PRKCB: variants seen among roughly 807,000 people sequenced by gnomAD.
PRKCB encodes protein kinase C beta type.
In PRKCB, 13 loss-of-function variants were observed where a neutral mutation model predicts 81.5. The ratio of observed to expected loss-of-function variants is 0.16; its 90% CI spans 0.10 to 0.25. The LOEUF is 0.25. Among genes scored for constraint, PRKCB ranks in the 10% least tolerant of loss-of-function variants. The probability of loss-of-function intolerance (pLI) is 1.00; values close to 1 mark genes in which losing one functional copy is unlikely to be tolerated. For synonymous variants in PRKCB, 335 were observed against 321.4 expected (o/e 1.04, Z -0.45); for missense variants, 509 against 875.7 (o/e 0.58, Z 5.29).
chr16:23,872,485 C>T (rs866749108), intron 2 of PRKCB, among the ~76,000 whole-genome samples: 9 of 152,142 alleles, frequency 5.9e-5, no homozygotes, highest in African/African-American at 1.9e-4. Flanking sequence ...TGTGCCACTG[C>T]ACTCCAGCCT....
At chr16:24,166,710 C>G (rs762492912) in intron 10 of PRKCB, among the ~76,000 whole-genome samples, 12 of 152,192 alleles carry the variant, frequency 7.9e-5, no homozygotes, top group Non-Finnish European at 1.8e-4. Context: ...AGAAACATCT[C>G]TGGCAATAGA....
chr16:24,124,901 A>G (rs1966840111), intron 9 of PRKCB, among the ~76,000 whole-genome samples: 1 of 152,162 alleles, frequency 6.6e-6, no homozygotes, highest in Non-Finnish European at 1.5e-5. Flanking sequence ...GAATTCTGAC[A>G]GTTCCTTCAA....
chr16:23,903,004 T>TC (rs1963507164), intron 2 of PRKCB, among the ~76,000 whole-genome samples: 1 of 147,862 alleles, frequency 6.8e-6, no homozygotes, highest in South Asian at 2.1e-4. Context: ...TTTTTTTTTT[T>TC]CCTTTTTCTG....
At chr16:24,090,268 T>C (rs1378101717) in intron 5 of PRKCB, among the ~76,000 whole-genome samples, 1 of 152,190 alleles carries the variant, frequency 6.6e-6, no homozygotes, top group Non-Finnish European at 1.5e-5. Flanking sequence ...CACTGCCATG[T>C]TGCTGGAGTG....
chr16:23,950,137 T>TTG (rs1964258936), intron 2 of PRKCB, among the ~76,000 whole-genome samples: 1 of 138,104 alleles, frequency 7.2e-6, no homozygotes, highest in African/African-American at 2.8e-5. Flanking sequence ...TTTGAATTTT[T>TTG]TTTTTTTTTT....
At chr16:24,050,708 A>G (rs2141869793) in intron 5 of PRKCB, among the ~76,000 whole-genome samples, 1 of 152,162 alleles carries the variant, frequency 6.6e-6, no homozygotes, top group Non-Finnish European at 1.5e-5. Flanking sequence ...CTGCAAATTG[A>G]TTTCACTAAC....
At chr16:23,871,124 G>T (rs1158856258) in intron 2 of PRKCB, among the ~76,000 whole-genome samples, 2 of 152,210 alleles carry the variant, frequency 1.3e-5, no homozygotes, top group African/African-American at 4.8e-5. Context: ...CTGCATACGG[G>T]CCCTAAACAA....
chr16:23,894,240 A>G (rs1294434280), intron 2 of PRKCB, among the ~76,000 whole-genome samples: 1 of 152,238 alleles, frequency 6.6e-6, no homozygotes, highest in Non-Finnish European at 1.5e-5. Flanking sequence ...CCCATAGGCC[A>G]AAGCATGTGA....
chr16:24,000,757 C>T (rs1326674683), intron 3 of PRKCB, among the ~76,000 whole-genome samples: 1 of 152,184 alleles, frequency 6.6e-6, no homozygotes, highest in Non-Finnish European at 1.5e-5. Flanking sequence ...CCACCCAGAG[C>T]ATGCCCTTAT....
intron 2 of PRKCB, among the ~76,000 whole-genome samples, chr16:23,864,512 T>A (rs1448704365): frequency 6.6e-6 from 1 of 152,178 alleles, no homozygotes; most frequent in Non-Finnish European, 1.5e-5. Flanking sequence ...AACCTACAGA[T>A]AATAAACAAG....
chr16:23,921,953 G>C (rs538206716), intron 2 of PRKCB, among the ~76,000 whole-genome samples: 1 of 152,260 alleles, frequency 6.6e-6, no homozygotes, highest in East Asian at 1.9e-4. Flanking sequence ...GGTTCCAACA[G>C]CAAAGACTTA....
At chr16:23,863,975 C>A (rs1454502606) in intron 2 of PRKCB, among the ~76,000 whole-genome samples, 1 of 152,094 alleles carries the variant, frequency 6.6e-6, no homozygotes, top group East Asian at 1.9e-4. Context: ...TTTGTACCAG[C>A]CCGTCAGTAA....
chr16:23,953,473 C>G (rs975747290), intron 2 of PRKCB, among the ~76,000 whole-genome samples: 2 of 152,200 alleles, frequency 1.3e-5, no homozygotes, highest in African/African-American at 2.4e-5. Flanking sequence ...CATGGGGTAT[C>G]ACACCCAGGG....
At chr16:23,859,612 G>C (rs1962628442) in intron 2 of PRKCB, among the ~76,000 whole-genome samples, 1 of 152,188 alleles carries the variant, frequency 6.6e-6, no homozygotes, top group Non-Finnish European at 1.5e-5. Context: ...AGGAGCCTGA[G>C]TTCTCAGTTG....
intron 8 of PRKCB, among the ~76,000 whole-genome samples, chr16:24,116,586 C>T (rs757586650): frequency 2.0e-5 from 3 of 152,100 alleles, no homozygotes; most frequent in African/African-American, 4.8e-5. Flanking sequence ...TCTCCAGTGA[C>T]CTTGATAACA....
At chr16:24,153,299 C>T (rs1967106237) in intron 9 of PRKCB, among the ~76,000 whole-genome samples, 1 of 152,120 alleles carries the variant, frequency 6.6e-6, no homozygotes, top group Admixed American at 6.6e-5. Flanking sequence ...CCTTAATTTC[C>T]TGCAATATGG....
chr16:24,143,550 G>A (rs1311279467), intron 9 of PRKCB, among the ~76,000 whole-genome samples: 1 of 152,064 alleles, frequency 6.6e-6, no homozygotes, highest in Non-Finnish European at 1.5e-5. Context: ...GGGAGCTAGG[G>A]AGGGAGGGGC....
At chr16:23,988,691 C>A in intron 3 of PRKCB, 101 bp downstream of exon 3, 1 of 1,107,334 alleles carries the variant, frequency 9.0e-7, no homozygotes, top group Non-Finnish European at 1.3e-6. Flanking sequence ...TGGACGATCT[C>A]ACTCTAAGGC....
intron 5 of PRKCB, among the ~76,000 whole-genome samples, chr16:24,081,901 A>T (rs1469964726): frequency 2.0e-5 from 3 of 151,898 alleles, no homozygotes; most frequent in African/African-American, 7.3e-5. Context: ...AAAAATAAAA[A>T]CCATATGGAA....
Sources: gnomAD v4.1 joint callset for allele counts (sites outside exome capture counted in the v4.1 genomes callset) on GRCh38, gnomAD v4.1.1 for gene constraint, MANE v1.5 for transcripts, NCBI Gene and HGNC (gene_info 2026-07-23, HGNC 2026-07-21) for gene names.